FOCAD: variants seen among roughly 807,000 people sequenced by gnomAD.
FOCAD encodes KIAA1797.
FOCAD carries 198 observed loss-of-function variants against 225.6 expected under a neutral mutation model. That is an observed-to-expected ratio of 0.88 (90% CI 0.78 to 0.99). FOCAD has a LOEUF of 0.99. FOCAD is among the 50% of genes least tolerant of loss of function. FOCAD has a pLI of 0.00. For missense variants in FOCAD, 2,713 were observed against 2,123.6 expected, an observed-to-expected ratio of 1.28 and a Z score of -5.46; for synonymous variants, 897 against 755.0, an observed-to-expected ratio of 1.19 and a Z score of -3.08.
At chr9:20,956,894 G>T (rs945652708) in intron 35 of FOCAD, among the ~76,000 whole-genome samples, 2 of 151,976 alleles carry the variant, frequency 1.3e-5, no homozygotes, top group African/African-American at 4.8e-5. Flanking sequence ...GGACTTCTCC[G>T]TGGTGGTCAG....
chr9:20,699,337 T>G (rs1343364162), intron 1 of FOCAD, among the ~76,000 whole-genome samples: 2 of 152,166 alleles, frequency 1.3e-5, no homozygotes, highest in African/African-American at 4.8e-5. Flanking sequence ...GAGTGGCTGT[T>G]GCTGTTCATC....
chr9:20,689,976 G>C (rs1030102529), intron 1 of FOCAD, among the ~76,000 whole-genome samples: 4 of 152,164 alleles, frequency 2.6e-5, no homozygotes, highest in Non-Finnish European at 5.9e-5. Context: ...CCTGGTCTTT[G>C]AATTCCCAAA....
intron 10 of FOCAD, among the ~76,000 whole-genome samples, chr9:20,788,136 A>G (rs868899): frequency 0.37 from 56,734 of 152,102 alleles, 11,006 homozygotes; most frequent in Middle Eastern, 0.42. Flanking sequence ...ATTTGGCAAT[A>G]AAAAGAAATG....
chr9:20,935,380 C>G (rs1835853670), intron 28 of FOCAD, among the ~76,000 whole-genome samples: 1 of 151,964 alleles, frequency 6.6e-6, no homozygotes. Context: ...ATGACTTAAT[C>G]TTTTTTTAAA....
At chr9:20,693,390 C>T (rs1823094834) in intron 1 of FOCAD, among the ~76,000 whole-genome samples, 1 of 152,204 alleles carries the variant, frequency 6.6e-6, no homozygotes, top group African/African-American at 2.4e-5. Flanking sequence ...CTAATACTGT[C>T]TATCCTCCAC....
Position 20,929,588 on chromosome 9 carries a change from G to A in FOCAD, c.3309G>A (p.Glu1103=). The change falls in exon 27 of 44, where the codon GAG becomes GAA. Residue 1103 remains glutamate (E), a synonymous_variant. Transcript: ENST00000338382. ...TGTTTCTCTCTCGCTTGTGTGAAGA[G>A]AAACTCAGGTACAGTTTATTAAAAT... ...LGMFLSRLCE[E]KLSDISGQEM... The A allele has an allele frequency of 1.2e-6, 2 of 1,613,548 alleles. No individual in the cohort carries two copies. Among genetic ancestry groups the A allele is most frequent in the Non-Finnish European group, 1.7e-6 (2 of 1,179,598 alleles).
At chr9:20,977,173 C>T (rs1840299340) in intron 36 of FOCAD, among the ~76,000 whole-genome samples, 1 of 152,186 alleles carries the variant, frequency 6.6e-6, no homozygotes, top group African/African-American at 2.4e-5. Flanking sequence ...CTCACACCAT[C>T]ATCTTTCTGG....
rs965694989 is a variant in FOCAD, at chr9:20,810,446, C to A, written c.1456-9350C>A. Among the ~76,000 whole-genome samples, 9 of 152,188 alleles carry A rather than the reference C, an allele frequency of 5.9e-5. No homozygotes were observed. The South Asian group carries it at 1.9e-3, about 32-fold the overall frequency. On this transcript the variant is annotated intron_variant, in intron 11 of 43. Transcript: ENST00000338382. ...TTATACTTTACTTATAGGACATTGG[C>A]TTTTAACTTTTATTTGACTAGTCAG... is the stretch of plus-strand genomic sequence containing the variant.
intron 2 of FOCAD, among the ~76,000 whole-genome samples, chr9:20,668,861 C>T (rs1191830704): frequency 6.6e-6 from 1 of 152,206 alleles, no homozygotes; most frequent in East Asian, 1.9e-4. Context: ...GTGGTGATCA[C>T]ACCAGACAAA....
chr9:20,973,061 C>T (rs1839901863), intron 35 of FOCAD, among the ~76,000 whole-genome samples: 1 of 151,996 alleles, frequency 6.6e-6, no homozygotes, highest in East Asian at 1.9e-4. Context: ...TGTGCTTCTT[C>T]TTTCTGCAGC....
intron 21 of FOCAD, among the ~76,000 whole-genome samples, chr9:20,888,052 A>G (rs935849576): frequency 2.6e-5 from 4 of 151,052 alleles, no homozygotes; most frequent in African/African-American, 7.3e-5. Flanking sequence ...TTGTTTTCAA[A>G]AGAGTGTTCT....
At chr9:20,764,071 A>G (rs540527191) in intron 6 of FOCAD, among the ~76,000 whole-genome samples, 72 of 152,320 alleles carry the variant, frequency 4.7e-4, no homozygotes, top group African/African-American at 1.6e-3. Context: ...AACATGCAGT[A>G]ACTTGAACAC....
In FOCAD at chr9:20,789,418, T is replaced by C. The variant is rs1820287654; in HGVS notation, c.1265T>C (p.Leu422Pro). The C allele has an allele frequency of 1.9e-6, 3 of 1,614,004 alleles. No homozygotes were observed. Among genetic ancestry groups the C allele is most frequent in the South Asian group, 2.2e-5 (2 of 91,088 alleles). ...ACAATATTTACAGCCTGGAGGATTC[T>C]TGAAGTAATGACAGACTCGTCTGCT... ...YGTIFTAWRI[L>P]EVMTDSSAAS... Residue 422 changes from leucine (L) to proline (P), a missense_variant, in exon 11 of 44, where the codon CTT becomes CCT. Coordinates refer to ENST00000338382, the MANE Select transcript of FOCAD (RefSeq NM_001375567.1).
intron 2 of FOCAD, among the ~76,000 whole-genome samples, chr9:20,664,864 A>G (rs1188274945): frequency 6.6e-6 from 1 of 152,070 alleles, no homozygotes; most frequent in African/African-American, 2.4e-5. Context: ...AAATACATAA[A>G]GTTTAATGTA....
At chr9:20,683,260 T>G (rs1024392163), upstream of FOCAD, 4 of 152,264 alleles carry the variant, frequency 2.6e-5, no homozygotes, top group African/African-American at 9.6e-5. Flanking sequence ...TGTCAAGATC[T>G]GGCAGCAGAC....
At chr9:20,905,947 T>TA (rs397763871) in intron 21 of FOCAD, among the ~76,000 whole-genome samples, 30 of 151,244 alleles carry the variant, frequency 2.0e-4, no homozygotes, top group South Asian at 6.3e-4. Flanking sequence ...TTTTTTTTTT[T>TA]AAAAACAGCA....
In FOCAD at chr9:20,865,995, T is replaced by A; in HGVS notation, c.2106+19T>A. On this transcript the variant is annotated intron_variant, in intron 17 of 43. Coordinates refer to ENST00000338382, the MANE Select transcript of FOCAD (RefSeq NM_001375567.1). ...AAACAAGGTACTATCACAAGGCTTG[T>A]CAGTGAATCAGAACAAAGCTAAGGA... 1.3e-6 allele frequency: 2 copies of A among 1,591,070 alleles called. No homozygotes were observed. Among genetic ancestry groups the A allele is most frequent in the South Asian group, 2.3e-5 (2 of 87,738 alleles).
rs767834878 is a variant in FOCAD, at chr9:20,949,612, A to G, written c.3885A>G (p.Ser1295=). Residue 1295 remains serine (S), a synonymous_variant, in exon 33 of 44, where the codon TCA becomes TCG. Transcript: ENST00000338382. ...TCTTCTTATTCTTTCAGCTGAAATC[A>G]GAAGCCATCCAGACCTCTCATTTTC... ...GSEGDVMQLK[S]EAIQTSHFQG... 6.2e-6 allele frequency: 10 copies of G among 1,613,054 alleles called. No homozygotes were observed. The Admixed American group carries it at 1.3e-4, about 22-fold the overall frequency.
At chr9:20,764,530 T>A (rs1829891266) in intron 6 of FOCAD, among the ~76,000 whole-genome samples, 1 of 152,224 alleles carries the variant, frequency 6.6e-6, no homozygotes, top group South Asian at 2.1e-4. Context: ...GGGATTTTTA[T>A]AGGCGTGAGC....
Sources: gnomAD v4.1 joint callset for allele counts (sites outside exome capture counted in the v4.1 genomes callset) on GRCh38, gnomAD v4.1.1 for gene constraint, MANE v1.5 for transcripts, NCBI Gene and HGNC (gene_info 2026-07-23, HGNC 2026-07-21) for gene names.